USP47: variants seen among roughly 807,000 people sequenced by gnomAD.
USP47 encodes ubiquitin carboxyl-terminal hydrolase 47.
A neutral mutation model predicts 165.1 loss-of-function variants in USP47; 35 were observed. The ratio of observed to expected loss-of-function variants is 0.21; its 90% CI spans 0.16 to 0.28. The LOEUF is 0.28. Among genes scored for constraint, USP47 ranks in the 10% least tolerant of loss-of-function variants. USP47 has a pLI of 1.00. For missense variants in USP47, 1,277 were observed against 1,607.4 expected, an observed-to-expected ratio of 0.79 and a Z score of 3.52; for synonymous variants, 531 against 544.5, an observed-to-expected ratio of 0.98 and a Z score of 0.35.
intron 1 of USP47, among the ~76,000 whole-genome samples, chr11:11,875,995 A>G (rs537652200): frequency 1.1e-4 from 17 of 152,368 alleles, no homozygotes; most frequent in South Asian, 8.3e-4. Flanking sequence ...AGAGCACTCT[A>G]TTAGCTTATA....
intron 3 of USP47, among the ~76,000 whole-genome samples, chr11:11,887,958 T>A (rs1392620462): frequency 6.6e-6 from 1 of 152,154 alleles, no homozygotes; most frequent in Admixed American, 6.5e-5. Flanking sequence ...TGCTCCCAAA[T>A]GACTCTTGAG....
intron 1 of USP47, 79 bp from the exon 2 acceptor site, chr11:11,880,098 C>A: frequency 1.0e-6 from 1 of 1,002,052 alleles, no homozygotes; most frequent in Non-Finnish European, 1.4e-6. Flanking sequence ...TACATTTAAT[C>A]ATAAAATTTT....
chr11:11,883,488 A>AT (rs531629764), intron 2 of USP47, among the ~76,000 whole-genome samples: 22 of 152,082 alleles, frequency 1.4e-4, no homozygotes, highest in Admixed American at 9.8e-4. Flanking sequence ...CTTACAGTTA[A>AT]TTTTTTTTGT....
intron 19 of USP47, 72 bp from the exon 20 acceptor site, chr11:11,942,263 C>A: frequency 7.0e-7 from 1 of 1,433,032 alleles, no homozygotes; most frequent in Non-Finnish European, 9.4e-7. Flanking sequence ...TGTATTGATG[C>A]AATATAATGA....
At chr11:11,905,917 G>C (rs928995536) in intron 8 of USP47, among the ~76,000 whole-genome samples, 1 of 151,430 alleles carries the variant, frequency 6.6e-6, no homozygotes, top group African/African-American at 2.4e-5. Context: ...TGGGGGGATT[G>C]TTTTGATCCA....
chr11:11,923,418 G>A (rs142200443), intron 11 of USP47, among the ~76,000 whole-genome samples: 3 of 152,102 alleles, frequency 2.0e-5, no homozygotes, highest in Non-Finnish European at 2.9e-5. Flanking sequence ...CCTGTCCTGC[G>A]ATAGTCCTCA....
chr11:11,940,586 G>GGTA (rs1855400067), intron 19 of USP47, 38 bp downstream of exon 19: 1 of 1,596,416 alleles, frequency 6.3e-7, no homozygotes, highest in South Asian at 1.1e-5. Context: ...TTTCTATGCT[G>GGTA]GTAGTAGTAA....
intron 17 of USP47, among the ~76,000 whole-genome samples, chr11:11,937,757 G>A (rs954458624): frequency 5.9e-5 from 9 of 151,704 alleles, no homozygotes; most frequent in East Asian, 3.9e-4. Flanking sequence ...GATTAACAAC[G>A]TAGGGAAAAA....
At chr11:11,948,696 C>T (rs1169304810) in intron 22 of USP47, 138 bp downstream of exon 22, 19 of 659,176 alleles carry the variant, frequency 2.9e-5, no homozygotes, top group Non-Finnish European at 5.0e-5. Flanking sequence ...GTTTAGCAGG[C>T]CATACTGCCT....
chr11:11,872,838 G>A (rs750742837), intron 1 of USP47, among the ~76,000 whole-genome samples: 1 of 152,202 alleles, frequency 6.6e-6, no homozygotes, highest in Non-Finnish European at 1.5e-5. Flanking sequence ...CAATGCTGTA[G>A]TGAATGTTTG....
intron 3 of USP47, among the ~76,000 whole-genome samples, chr11:11,889,961 C>G (rs1851408087): frequency 6.6e-6 from 1 of 152,132 alleles, no homozygotes; most frequent in Non-Finnish European, 1.5e-5. Flanking sequence ...AAAGGATTCT[C>G]TATTTAATAA....
chr11:11,843,171 G>A (rs2134096778), intron 1 of USP47, among the ~76,000 whole-genome samples: 1 of 152,276 alleles, frequency 6.6e-6, no homozygotes, highest in Non-Finnish European at 1.5e-5. Flanking sequence ...AAATTAATGA[G>A]TGATCATTAC....
At chr11:11,914,111 C>A (rs959492130) in intron 8 of USP47, among the ~76,000 whole-genome samples, 3 of 151,938 alleles carry the variant, frequency 2.0e-5, no homozygotes, top group Non-Finnish European at 4.4e-5. Context: ...GTGGAAGTTA[C>A]CAGTCTACAT....
intron 1 of USP47, among the ~76,000 whole-genome samples, chr11:11,844,081 T>C (rs1237230741): frequency 6.6e-6 from 1 of 152,212 alleles, no homozygotes; most frequent in Non-Finnish European, 1.5e-5. Flanking sequence ...ATTAAAGTGA[T>C]TGCCTCCAGT....
chr11:11,864,860 T>A (rs1156272111), intron 1 of USP47, among the ~76,000 whole-genome samples: 2 of 152,156 alleles, frequency 1.3e-5, no homozygotes, highest in Non-Finnish European at 2.9e-5. Context: ...AATCTTTTCA[T>A]TTTTCTTCAT....
intron 3 of USP47, among the ~76,000 whole-genome samples, chr11:11,889,161 T>C (rs942195726): frequency 3.9e-5 from 6 of 152,068 alleles, no homozygotes; most frequent in Admixed American, 3.3e-4. Flanking sequence ...TGCCCTCTTT[T>C]ACTACTCCTA....
intron 5 of USP47, among the ~76,000 whole-genome samples, chr11:11,900,334 G>A (rs1852135227): frequency 6.6e-6 from 1 of 151,582 alleles, no homozygotes; most frequent in Non-Finnish European, 1.5e-5. Flanking sequence ...CTAATTTTTT[G>A]TATTTTTAGT....
At chr11:11,884,990 T>G (rs1183335659) in intron 3 of USP47, among the ~76,000 whole-genome samples, 4 of 152,200 alleles carry the variant, frequency 2.6e-5, no homozygotes, top group Admixed American at 6.5e-5. Flanking sequence ...AGAAGGTCAT[T>G]TCCGTTCTCA....
intron 1 of USP47, among the ~76,000 whole-genome samples, chr11:11,850,120 G>A (rs1455613294): frequency 6.6e-6 from 1 of 151,946 alleles, no homozygotes; most frequent in African/African-American, 2.4e-5. Context: ...AATTCATTCT[G>A]CTAATCCTGT....
Sources: gnomAD v4.1 joint callset for allele counts (sites outside exome capture counted in the v4.1 genomes callset) on GRCh38, gnomAD v4.1.1 for gene constraint, MANE v1.5 for transcripts, NCBI Gene and HGNC (gene_info 2026-07-23, HGNC 2026-07-21) for gene names.